Variants in KCTD16 observed in about 807,000 individuals in gnomAD.
KCTD16 encodes the protein potassium channel tetramerization domain containing 16, also known as BTB/POZ domain-containing protein KCTD16.
A neutral mutation model predicts 33.2 loss-of-function variants in KCTD16; 13 were observed. The observed-to-expected ratio is 0.39, with a 90% confidence interval of 0.25 to 0.62. The LOEUF (loss-of-function observed/expected upper bound fraction) is 0.62, where lower values mean the gene tolerates loss of function less well. Among genes scored for constraint, KCTD16 ranks in the 20% least tolerant of loss-of-function variants. KCTD16 has a pLI of 0.50. For missense variants in KCTD16, 441 were observed against 525.1 expected (o/e 0.84, Z 1.57); for synonymous variants, 197 against 195.3 (o/e 1.01, Z -0.07).
chr5:144,373,172 G>A (rs1467976488), intron 3 of KCTD16, among the ~76,000 whole-genome samples: 2 of 152,086 alleles, frequency 1.3e-5, no homozygotes, highest in African/African-American at 4.8e-5. Flanking sequence ...ACAGGAAGCA[G>A]GACTGGCTTT....
intron 3 of KCTD16, among the ~76,000 whole-genome samples, chr5:144,397,373 G>A (rs1422775740): frequency 8.6e-5 from 13 of 151,926 alleles, no homozygotes; most frequent in East Asian, 3.9e-4. Context: ...GAGTAGTGCC[G>A]CAATAAACAT....
At position 144,478,165 on chromosome 5, in the gene KCTD16, C is replaced by A. The variant is rs184628652; in HGVS notation, c.*4051C>A. 2 of 152,054 alleles carry A rather than the reference C, an allele frequency of 1.3e-5. No homozygotes were observed. Among genetic ancestry groups the A allele is most frequent in the South Asian group, 4.1e-4 (2 of 4,822 alleles). 9.4% of individuals were successfully genotyped at this position (152,054 alleles called of 1,614,324 possible). A position where few individuals can be genotyped will look rare whatever the true frequency, so the allele number is the denominator to read the frequency against. The stretch of plus-strand genomic sequence containing the variant: ...TCAAAATAGCACACTAGAGAAAGAA[C>A]CAGAGTGAACATTCTGTATCCTGAG... On this transcript the variant is annotated 3_prime_UTR_variant, in exon 4 of 4. Transcript: ENST00000512467.
intron 3 of KCTD16, among the ~76,000 whole-genome samples, chr5:144,380,463 C>T (rs149463694): frequency 7.8e-4 from 119 of 152,240 alleles, no homozygotes; most frequent in South Asian, 1.5e-3. Context: ...CTATGAATGC[C>T]ATTTTTTACA....
intron 3 of KCTD16, among the ~76,000 whole-genome samples, chr5:144,456,455 C>T (rs1754064568): frequency 6.6e-6 from 1 of 152,032 alleles, no homozygotes; most frequent in South Asian, 2.1e-4. Context: ...CTTTTCATCC[C>T]CCTGCCCCAA....
intron 2 of KCTD16, among the ~76,000 whole-genome samples, chr5:144,196,798 G>A (rs1288329110): frequency 6.6e-6 from 1 of 152,132 alleles, no homozygotes; most frequent in Non-Finnish European, 1.5e-5. Flanking sequence ...ATGTCCTCTG[G>A]CAGCTATTGG....
intron 3 of KCTD16, among the ~76,000 whole-genome samples, chr5:144,368,631 A>C (rs1029982576): frequency 6.6e-6 from 1 of 152,202 alleles, no homozygotes; most frequent in Non-Finnish European, 1.5e-5. Flanking sequence ...TCTGAGACTC[A>C]GAGTAGAGAA....
intron 3 of KCTD16, among the ~76,000 whole-genome samples, chr5:144,446,353 A>G (rs867245834): frequency 6.6e-6 from 1 of 152,118 alleles, no homozygotes; most frequent in African/African-American, 2.4e-5. Flanking sequence ...GGCTAGCTGT[A>G]TGCAGAAAAC....
intron 3 of KCTD16, among the ~76,000 whole-genome samples, chr5:144,448,559 C>T (rs750710100): frequency 6.6e-6 from 1 of 152,102 alleles, no homozygotes; most frequent in Non-Finnish European, 1.5e-5. Context: ...AGACCTGCCA[C>T]TTTAAAATAT....
chr5:144,301,211 A>C (rs1384384375), intron 3 of KCTD16, among the ~76,000 whole-genome samples: 3 of 149,520 alleles, frequency 2.0e-5, no homozygotes, highest in African/African-American at 5.0e-5. Flanking sequence ...ATTGCACTCA[A>C]ACCTGGGTGA....
At chr5:144,339,279 C>T (rs144046607) in intron 3 of KCTD16, among the ~76,000 whole-genome samples, 94 of 152,246 alleles carry the variant, frequency 6.2e-4, no homozygotes, top group Middle Eastern at 6.8e-3. Flanking sequence ...TAGAAAGTGC[C>T]GAAGCTACAT....
rs748069213 is a variant in KCTD16 at position 144,442,932 on chromosome 5, C to T, written c.833-30728C>T. 2.0e-5 allele frequency among the ~76,000 whole-genome samples: 3 copies of T among 152,018 alleles called. No individual in the cohort carries two copies. The South Asian group carries it at 6.2e-4, about 32-fold the overall frequency. ...TTGTTTTTTCCTTTTTGGCAAGGAACCTCTACCATCTGGGAAAGCTGGATA... is the reference window on the plus strand; with the variant it reads ...TTGTTTTTTCCTTTTTGGCAAGGAATCTCTACCATCTGGGAAAGCTGGATA... On this transcript the variant is annotated intron_variant, in intron 3 of 3. Transcript: ENST00000512467.
chr5:144,429,634 AT>A, intron 3 of KCTD16, among the ~76,000 whole-genome samples: 1 of 152,238 alleles, frequency 6.6e-6, no homozygotes, highest in Non-Finnish European at 1.5e-5. Flanking sequence ...ATGCAGTACC[AT>A]GATTGACATT....
At chr5:144,336,278 T>C (rs927168474) in intron 3 of KCTD16, among the ~76,000 whole-genome samples, 1 of 152,136 alleles carries the variant, frequency 6.6e-6, no homozygotes, top group African/African-American at 2.4e-5. Context: ...GTGCCTGTAA[T>C]AGCAGCACAA....
chr5:144,229,134 G>T (rs1184360022), intron 3 of KCTD16, among the ~76,000 whole-genome samples: 1 of 152,228 alleles, frequency 6.6e-6, no homozygotes, highest in East Asian at 1.9e-4. Flanking sequence ...GCAGGTGGAA[G>T]TAAGCCCAGA....
chr5:144,316,214 C>T (rs577130381), intron 3 of KCTD16, among the ~76,000 whole-genome samples: 12 of 152,208 alleles, frequency 7.9e-5, no homozygotes, highest in African/African-American at 2.9e-4. Context: ...TTGGAAGTGC[C>T]TGGGACTTAC....
rs1218643712 is a variant in KCTD16 at position 144,484,984 on chromosome 5, G to A, written c.*10870G>A. On this transcript the variant is annotated 3_prime_UTR_variant, in exon 4 of 4. Coordinates refer to ENST00000512467, the MANE Select transcript of KCTD16 (RefSeq NM_020768.4). ...TTACAGTATAAACATCATTAATTAT[G>A]GACTCACATGAATGCATGTCTACAT... 6.6e-6 allele frequency: 1 copy of A among 151,832 alleles called. No homozygotes were observed. Among genetic ancestry groups the A allele is most frequent in the Admixed American group, 6.6e-5 (1 of 15,212 alleles). The allele number at this position is 151,832 out of a possible 1,614,324, so 9.4% of individuals were successfully genotyped here. A position where few individuals can be genotyped will look rare whatever the true frequency, so the allele number is the denominator to read the frequency against.
intron 3 of KCTD16, among the ~76,000 whole-genome samples, chr5:144,244,519 T>C (rs1265915715): frequency 6.6e-6 from 1 of 152,214 alleles, no homozygotes; most frequent in East Asian, 1.9e-4. Context: ...TTCCACAGAA[T>C]TGGACTAACT....
chr5:144,322,305 C>A (rs189106248), intron 3 of KCTD16, among the ~76,000 whole-genome samples: 12 of 152,202 alleles, frequency 7.9e-5, no homozygotes, highest in African/African-American at 2.6e-4. Context: ...GTTGTGCAGT[C>A]AACTCAGGAT....
At chr5:144,245,535 G>C (rs1214901374) in intron 3 of KCTD16, among the ~76,000 whole-genome samples, 1 of 152,178 alleles carries the variant, frequency 6.6e-6, no homozygotes, top group African/African-American at 2.4e-5. Flanking sequence ...GAGGAAAGCA[G>C]AGGACAAAGA....
Sources: allele counts gnomAD v4.1 joint callset (sites outside exome capture counted in the v4.1 genomes callset), GRCh38; gene constraint gnomAD v4.1.1; transcripts MANE v1.5; gene names NCBI Gene and HGNC (gene_info 2026-07-23, HGNC 2026-07-21).